The following ATP2B4 variants were observed in gnomAD, a reference collection of about 807,000 sequenced individuals.
The protein encoded by ATP2B4 is plasma membrane calcium-transporting ATPase 4.
A neutral mutation model predicts 110.3 loss-of-function variants in ATP2B4; 39 were observed. The observed-to-expected ratio is 0.35, with a 90% CI of 0.27 to 0.46. ATP2B4 has a LOEUF of 0.46. Among genes scored for constraint, ATP2B4 ranks in the 20% least tolerant of loss-of-function variants. The pLI, the probability that ATP2B4 is intolerant of heterozygous loss-of-function variation, is 1.00. For missense variants in ATP2B4, 1,135 were observed against 1,530.9 expected (o/e 0.74, Z 4.32); for synonymous variants, 538 against 571.7 (o/e 0.94, Z 0.84).
At chr1:203,663,153 C>T (rs1057445261) in intron 1 of ATP2B4, among the ~76,000 whole-genome samples, 1 of 152,112 alleles carries the variant, frequency 6.6e-6, no homozygotes, top group Admixed American at 6.6e-5. Context: ...ATTTCTTCCC[C>T]TTGTCAGTCT....
chr1:203,700,945 A>G, intron 6 of ATP2B4, 22 bp downstream of exon 6: 1 of 1,607,380 alleles, frequency 6.2e-7, no homozygotes, highest in South Asian at 1.1e-5. Context: ...CTGGAATGAG[A>G]TTCTCTTTCC....
At chr1:203,657,862 A>G (rs796673233) in intron 1 of ATP2B4, 2 of 354,030 alleles carry the variant, frequency 5.6e-6, no homozygotes, top group African/African-American at 4.3e-5. Flanking sequence ...GGAAAGGGTC[A>G]CCCTTTTTTA....
chr1:203,723,384 TTC>T (rs1023692863), intron 18 of ATP2B4, among the ~76,000 whole-genome samples: 1 of 54,356 alleles, frequency 1.8e-5, no homozygotes, highest in African/African-American at 5.5e-5. Flanking sequence ...CTGCCATTTT[TTC>T]TTTTTGTTTT....
intron 1 of ATP2B4, among the ~76,000 whole-genome samples, chr1:203,670,645 G>C (rs1459911921): frequency 1.3e-5 from 2 of 152,174 alleles, no homozygotes; most frequent in Non-Finnish European, 2.9e-5. Context: ...ATAGGAACTA[G>C]GATGCTGATG....
chr1:203,663,611 C>CT lies in ATP2B4; in HGVS notation c.-464-19118dup, dbSNP rs892156841. On this transcript the variant is annotated intron_variant, in intron 1 of 20. Transcript: ENST00000357681. ...TTTCTACAGGCTGCTCTCTCTCTCT[C>CT]TTTTTTTTTTTTTAAGCAAGGTCTT... Among the ~76,000 whole-genome samples the CT allele has an allele frequency of 1.0e-3, 145 of 145,372 alleles. 1 individual carries two copies. The highest frequency in any genetic ancestry group is 3.6e-3 in the Middle Eastern group (1 of 280).
chr1:203,735,367 G>A (rs995598126), intron 20 of ATP2B4, among the ~76,000 whole-genome samples: 1 of 152,176 alleles, frequency 6.6e-6, no homozygotes, highest in African/African-American at 2.4e-5. Context: ...ACTCAGAGAG[G>A]AGAGAGAAGG....
chr1:203,696,902 C>T (rs2102380923), intron 2 of ATP2B4, among the ~76,000 whole-genome samples: 1 of 152,018 alleles, frequency 6.6e-6, no homozygotes, highest in East Asian at 1.9e-4. Context: ...GTGTATGTGT[C>T]TGTATAGTGT....
chr1:203,657,871 T>A (rs532715130), intron 1 of ATP2B4: 38 of 332,628 alleles, frequency 1.1e-4, no homozygotes, highest in South Asian at 3.8e-4. Context: ...CACCCTTTTT[T>A]AAAAATATTT....
intron 8 of ATP2B4, among the ~76,000 whole-genome samples, chr1:203,704,668 AT>A (rs2102392309): frequency 6.6e-6 from 1 of 151,758 alleles, no homozygotes; most frequent in Non-Finnish European, 1.5e-5. Flanking sequence ...TTTAGTAGAG[AT>A]GGGGTTTCAC....
chr1:203,691,645 C>T (rs1328086840), intron 2 of ATP2B4, among the ~76,000 whole-genome samples: 2 of 152,186 alleles, frequency 1.3e-5, no homozygotes, highest in African/African-American at 4.8e-5. Context: ...TGGCTGTGAC[C>T]TTGAATCAAC....
At chr1:203,698,870 C>G (rs538748339) in intron 3 of ATP2B4, among the ~76,000 whole-genome samples, 2 of 152,106 alleles carry the variant, frequency 1.3e-5, no homozygotes, top group Non-Finnish European at 2.9e-5. Flanking sequence ...CTCCTGACCT[C>G]AGGTGATCCA....
chr1:203,703,836 G>A, intron 8 of ATP2B4, 23 bp downstream of exon 8: 1 of 1,609,886 alleles, frequency 6.2e-7, no homozygotes, highest in Non-Finnish European at 8.5e-7. Flanking sequence ...GAGCCTCGTT[G>A]TGGTTTATCA....
At chr1:203,684,632 A>C (rs1187526265) in intron 2 of ATP2B4, among the ~76,000 whole-genome samples, 2 of 151,856 alleles carry the variant, frequency 1.3e-5, no homozygotes, top group Non-Finnish European at 2.9e-5. Flanking sequence ...TGTTGGGATG[A>C]GGAGGCTTAC....
At chr1:203,668,860 T>C (rs923401485) in intron 1 of ATP2B4, among the ~76,000 whole-genome samples, 1 of 152,070 alleles carries the variant, frequency 6.6e-6, no homozygotes, top group Non-Finnish European at 1.5e-5. Context: ...TGAGAGAGAT[T>C]GAGAGATTGA....
rs751719143 is a variant in ATP2B4 at position 203,683,399 on chromosome 1, G to A, written c.193+1G>A. 6.2e-7 allele frequency: 1 copy of A among 1,604,422 alleles called. No homozygotes were observed. The highest frequency in any genetic ancestry group is 8.5e-7 in the Non-Finnish European group (1 of 1,173,620). On this transcript the variant is annotated splice_donor_variant, in intron 2 of 20. Transcript: ENST00000357681. LOFTEE classifies it high-confidence loss of function. Reference sequence around the variant, plus strand: ...AGACTGAAAACCTCCCCTGTGGAAGGTAAAGGCCATATCAGGGGTGGGGAG... The same window carrying A: ...AGACTGAAAACCTCCCCTGTGGAAGATAAAGGCCATATCAGGGGTGGGGAG...
Position 203,739,896 on chromosome 1 carries a change from AT to A in ATP2B4, c.*46del. 11 of 1,568,346 alleles carry A rather than the reference AT, an allele frequency of 7.0e-6. No individual in the cohort carries two copies. Among genetic ancestry groups the A allele is most frequent in the Non-Finnish European group, 9.5e-6 (11 of 1,156,346 alleles). On this transcript the variant is annotated 3_prime_UTR_variant, in exon 21 of 21. Transcript: ENST00000357681. ...TCTCATCCCTATTTTACCTATTTCC[AT>A]TTTCGTCTATCCCATCTATGAGGTG...
Position 203,700,237 on chromosome 1 carries a change from C to T in ATP2B4, c.681C>T (p.Ile227=), listed in dbSNP as rs548335807. ...GDLLPADGIL[I]QGNDLKIDES... ...TGCTGCCTGCAGATGGAATCCTGATCCAAGGGAATGATCTGAAGATTGATG... is the reference window on the plus strand; with the variant it reads ...TGCTGCCTGCAGATGGAATCCTGATTCAAGGGAATGATCTGAAGATTGATG... Residue 227 remains isoleucine (I), a synonymous_variant, in exon 5 of 21, where the codon ATC becomes ATT. Transcript: ENST00000357681. 8.7e-6 allele frequency: 14 copies of T among 1,613,810 alleles called. No individual in the cohort carries two copies. The highest frequency in any genetic ancestry group is 1.7e-4 in the Middle Eastern group (1 of 6,060).
chr1:203,732,265 G>A (rs1286830593), intron 20 of ATP2B4, among the ~76,000 whole-genome samples: 1 of 151,710 alleles, frequency 6.6e-6, no homozygotes, highest in African/African-American at 2.4e-5. Flanking sequence ...TGTAAGCCTC[G>A]ACCTGTAGCT....
intron 2 of ATP2B4, among the ~76,000 whole-genome samples, chr1:203,695,130 T>C (rs561055604): frequency 2.6e-4 from 39 of 152,232 alleles, no homozygotes; most frequent in Non-Finnish European, 5.3e-4. Flanking sequence ...TACTAAACCT[T>C]GGTAAGAAGG....
Sources: allele counts gnomAD v4.1 joint callset (sites outside exome capture counted in the v4.1 genomes callset), GRCh38; gene constraint gnomAD v4.1.1; transcripts MANE v1.5; gene names NCBI Gene and HGNC (gene_info 2026-07-23, HGNC 2026-07-21).